ZBTB17: variants seen among roughly 807,000 people sequenced by gnomAD.
ZBTB17 encodes zinc finger and BTB domain-containing protein 17.
A neutral mutation model predicts 85.1 loss-of-function variants in ZBTB17; 24 were observed. The ratio of observed to expected loss-of-function variants is 0.28; its 90% CI spans 0.20 to 0.40. ZBTB17 has a LOEUF of 0.40. Ranked by LOEUF, ZBTB17 falls within the 10% of genes least tolerant of loss-of-function variation. The probability of loss-of-function intolerance (pLI) is 1.00; values close to 1 mark genes in which losing one functional copy is unlikely to be tolerated. For synonymous variants in ZBTB17, 464 were observed against 460.2 expected (o/e 1.01, Z -0.11); for missense variants, 743 against 1,105.1 (o/e 0.67, Z 4.65).
chr1:15,944,959 C>T lies in ZBTB17; in HGVS notation c.905G>A (p.Gly302Asp). The change falls in exon 7 of 16, where the codon GGC becomes GAC. Residue 302 changes from glycine (G) to aspartate (D), a missense_variant. Around this residue, in one of 4 missense-constraint regions of ZBTB17, gnomAD observed 279 missense variants for 269.9 expected, o/e 1.03. Transcript: ENST00000375743. The stretch of plus-strand genomic sequence containing the variant: ...CACCTCGCACTTGTGGATGACGGAG[C>T]CGTAGGCCTTGGACTCCGTGCGGTC... ...YGDRTESKAY[G>D]SVIHKCEDCG... is the part of the protein sequence containing the mutation. 1 of 1,580,370 alleles carries T rather than the reference C, an allele frequency of 6.3e-7. No homozygotes were observed. Among genetic ancestry groups the T allele is most frequent in the Admixed American group, 1.8e-5 (1 of 55,808 alleles).
chr1:15,965,523 C>A (rs2072411457), intron 2 of ZBTB17, among the ~76,000 whole-genome samples: 1 of 152,200 alleles, frequency 6.6e-6, no homozygotes, highest in Non-Finnish European at 1.5e-5. Context: ...GTTTTGGCAA[C>A]AACTTGGCAT....
chr1:15,949,048 C>T (rs2071728076), intron 2 of ZBTB17, among the ~76,000 whole-genome samples: 1 of 152,154 alleles, frequency 6.6e-6, no homozygotes, highest in Non-Finnish European at 1.5e-5. Flanking sequence ...TCTGCACGTA[C>T]CCCATCCCCC....
At chr1:15,969,877 C>T in intron 2 of ZBTB17, 12 of 605,092 alleles carry the variant, frequency 2.0e-5, no homozygotes, top group South Asian at 1.8e-4. Flanking sequence ...TGTAAAATTC[C>T]CCTTAGACAG....
chr1:15,970,839 G>A (rs774847052), intron 2 of ZBTB17, among the ~76,000 whole-genome samples: 11 of 152,296 alleles, frequency 7.2e-5, no homozygotes, highest in Non-Finnish European at 1.3e-4. Context: ...AAGCCACCGC[G>A]CCCAGCCAGG....
chr1:15,949,573 T>C (rs1010788382), intron 2 of ZBTB17, among the ~76,000 whole-genome samples: 1 of 152,238 alleles, frequency 6.6e-6, no homozygotes, highest in Non-Finnish European at 1.5e-5. Context: ...CTCTGAGGCC[T>C]GAGTCTGCAC....
At chr1:15,967,192 G>T (rs572801604) in intron 2 of ZBTB17, among the ~76,000 whole-genome samples, 1 of 146,572 alleles carries the variant, frequency 6.8e-6, no homozygotes, top group South Asian at 2.2e-4. Flanking sequence ...CCTGGGCAAC[G>T]TGGCGAAACC....
chr1:15,952,610 TTCCAGACC>T lies in ZBTB17; in HGVS notation c.-2-4121_-2-4114del. On this transcript the variant is annotated intron_variant, in intron 2 of 15. Transcript: ENST00000375743. This position sits in a 1 kb window ranked among gnomAD's most constrained non-coding sequence, Gnocchi z 4.3. ...CATCAGGATGCTGGGACTGTGCCAA[TTCCAGACC>T]TAAACCTAAAGAAGCCTGGAAGATT... is the stretch of plus-strand genomic sequence containing the variant. 6.6e-6 allele frequency among the ~76,000 whole-genome samples: 1 copy of T among 152,348 alleles called. No homozygotes were observed. The highest frequency in any genetic ancestry group is 6.5e-5 in the Admixed American group (1 of 15,300).
chr1:15,943,749 GCAC>G, intron 10 of ZBTB17, 34 bp from the exon 11 acceptor site: 1 of 1,612,654 alleles, frequency 6.2e-7, no homozygotes, highest in Non-Finnish European at 8.5e-7. Context: ...CTGGCGTGGG[GCAC>G]CACCGGTGGC....
At position 15,943,044 on chromosome 1, in the gene ZBTB17, T is replaced by C; in HGVS notation, c.1828+20A>G. On this transcript the variant is annotated intron_variant, in intron 13 of 15. Transcript: ENST00000375743. ...AGCAGGGCCTGGGAAGGAACAGGCA[T>C]GGTAGGGGCCACAGCTCACCAGTGT... 6.2e-7 allele frequency: 1 copy of C among 1,613,702 alleles called. No individual in the cohort carries two copies. The highest frequency in any genetic ancestry group is 8.5e-7 in the Non-Finnish European group (1 of 1,179,770).
chr1:15,968,135 T>A (rs187295593), intron 2 of ZBTB17, among the ~76,000 whole-genome samples: 266 of 152,316 alleles, frequency 1.7e-3, no homozygotes, highest in Middle Eastern at 6.8e-3. Flanking sequence ...CCTGCTATAC[T>A]GGAACAAGAC....
At chr1:15,947,818 T>C (rs952607867) in intron 3 of ZBTB17, among the ~76,000 whole-genome samples, 1 of 152,190 alleles carries the variant, frequency 6.6e-6, no homozygotes, top group African/African-American at 2.4e-5. Flanking sequence ...TCATGGCATG[T>C]CACGTCAGTC....
chr1:15,945,830 C>T lies in ZBTB17; in HGVS notation c.546G>A (p.Gln182=), dbSNP rs1186703018. Residue 182 remains glutamine, a synonymous_variant, in exon 6 of 16, where the codon CAG becomes CAA. Coordinates refer to ENST00000375743, the MANE Select transcript of ZBTB17 (RefSeq NM_003443.3). ...QAQSAASGAE[Q]TEKADAPREP... Reference sequence around the variant, plus strand: ...CCCGGGGCGCATCGGCTTTCTCTGTCTGCTCTGCACCTGGGTGGGGGAAGC... The same window carrying T: ...CCCGGGGCGCATCGGCTTTCTCTGTTTGCTCTGCACCTGGGTGGGGGAAGC... 1 of 1,596,610 alleles carries T rather than the reference C, an allele frequency of 6.3e-7. No individual in the cohort carries two copies. The highest frequency in any genetic ancestry group is 1.7e-5 in the Admixed American group (1 of 59,582).
At chr1:15,942,998 T>G (rs2071426638) in intron 13 of ZBTB17, 66 bp downstream of exon 13, 2 of 1,594,174 alleles carry the variant, frequency 1.3e-6, no homozygotes, top group African/African-American at 2.7e-5. Context: ...GTCCCTTCCT[T>G]CCCCCTGCTC....
At chr1:15,971,438 C>CACACACTA (rs1557799575) in intron 2 of ZBTB17, among the ~76,000 whole-genome samples, 59 of 87,880 alleles carry the variant, frequency 6.7e-4, no homozygotes, top group Admixed American at 2.0e-3. Context: ...TACACACACA[C>CACACACTA]TATATATATA....
In ZBTB17 at chr1:15,944,517, G is replaced by A. The variant is rs1481394365; in HGVS notation, c.1154C>T (p.Ser385Leu). The change falls in exon 9 of 16, where the codon TCG becomes TTG. Residue 385 changes from serine (S) to leucine (L), a missense_variant. Around this residue, in one of 4 missense-constraint regions of ZBTB17, gnomAD observed 321 missense variants for 615.7 expected, o/e 0.52. Coordinates refer to ENST00000375743, the MANE Select transcript of ZBTB17 (RefSeq NM_003443.3). ...SLLNLHKKRH[S>L]GEARYRCEDC... ...CTCGCAGCGGTAGCGCGCCTCGCCC[G>A]AGTGCCGCTTCTTGTGCAGGTTCAG... 5 of 1,589,336 alleles carry A rather than the reference G, an allele frequency of 3.1e-6. No individual in the cohort carries two copies. Among genetic ancestry groups the A allele is most frequent in the South Asian group, 2.3e-5 (2 of 88,838 alleles).
chr1:15,957,408 G>A (rs190980592), intron 2 of ZBTB17, among the ~76,000 whole-genome samples: 2 of 123,430 alleles, frequency 1.6e-5, no homozygotes, highest in African/African-American at 7.4e-5. Context: ...GCCGGTGTGT[G>A]TGGAGAGGAG....
intron 2 of ZBTB17, among the ~76,000 whole-genome samples, chr1:15,949,260 C>A (rs1158742795): frequency 6.6e-6 from 1 of 152,176 alleles, no homozygotes; most frequent in African/African-American, 2.4e-5. Context: ...TGAAAATGCT[C>A]AGGAAAATTC....
rs180839117 is a variant in ZBTB17, at chr1:15,962,765, C to T, written c.-3+10274G>A. ...TCTCTCTTCCTTATACTAATGAGTG[C>T]GATAAAACATCGTATAAAACCCAGC... On this transcript the variant is annotated intron_variant, in intron 2 of 15. Coordinates refer to ENST00000375743, the MANE Select transcript of ZBTB17 (RefSeq NM_003443.3). 5.3e-5 allele frequency among the ~76,000 whole-genome samples: 8 copies of T among 152,186 alleles called. No individual in the cohort carries two copies. In the East Asian group the frequency reaches 9.6e-4, roughly 18 times the overall value.
chr1:15,949,261 A>T (rs2148770937), intron 2 of ZBTB17, among the ~76,000 whole-genome samples: 1 of 152,340 alleles, frequency 6.6e-6, no homozygotes, highest in East Asian at 1.9e-4. Context: ...GAAAATGCTC[A>T]GGAAAATTCC....
Sources: allele counts gnomAD v4.1 joint callset (sites outside exome capture counted in the v4.1 genomes callset), GRCh38; gene constraint gnomAD v4.1.1; regional missense constraint gnomAD v4.1.1; non-coding constraint Gnocchi (gnomAD v3.1); transcripts MANE v1.5; gene names NCBI Gene and HGNC (gene_info 2026-07-23, HGNC 2026-07-21).